Variants in MALRD1 observed in about 807,000 individuals in gnomAD.
MALRD1 encodes MAM and LDL receptor class A domain containing 1.
In MALRD1, 247 loss-of-function variants were observed where a neutral mutation model predicts 242.1. The ratio of observed to expected loss-of-function variants is 1.02; its 90% CI spans 0.92 to 1.13. MALRD1 has a LOEUF of 1.13. Among genes scored for constraint, MALRD1 ranks in the 50% most tolerant of loss-of-function variants. MALRD1 has a pLI of 0.00. For missense variants in MALRD1, 2,989 were observed against 2,533.1 expected (o/e 1.18, Z -3.86); for synonymous variants, 995 against 866.6 (o/e 1.15, Z -2.60).
intron 21 of MALRD1, chr10:19,291,481 T>C (rs932419331): frequency 6.6e-6 from 1 of 151,986 alleles, no homozygotes; most frequent in African/African-American, 2.4e-5. Context: ...AAATTGAGGT[T>C]GTAGTACACT....
At chr10:19,053,539 A>G (rs1330699952) in intron 1 of MALRD1, among the ~76,000 whole-genome samples, 4 of 152,164 alleles carry the variant, frequency 2.6e-5, no homozygotes, top group Admixed American at 2.6e-4. Context: ...AGGACCACTA[A>G]ATGATGAAAT....
chr10:19,639,847 T>A (rs1840305851), intron 36 of MALRD1, among the ~76,000 whole-genome samples: 1 of 152,166 alleles, frequency 6.6e-6, no homozygotes, highest in African/African-American at 2.4e-5. Flanking sequence ...AGAGTTACCA[T>A]TGCCCTAAAG....
intron 18 of MALRD1, among the ~76,000 whole-genome samples, chr10:19,226,448 T>A (rs975454193): frequency 6.6e-6 from 1 of 152,148 alleles, no homozygotes; most frequent in Non-Finnish European, 1.5e-5. Flanking sequence ...TCTCCCTAGT[T>A]CTTTAAAGTA....
intron 29 of MALRD1, among the ~76,000 whole-genome samples, chr10:19,465,072 A>G (rs1019874655): frequency 6.6e-6 from 1 of 151,946 alleles, no homozygotes; most frequent in Non-Finnish European, 1.5e-5. Context: ...TTGTAGCCGG[A>G]AACTTTGCTG....
At chr10:19,463,614 C>G (rs1316675392) in intron 29 of MALRD1, among the ~76,000 whole-genome samples, 1 of 150,722 alleles carries the variant, frequency 6.6e-6, no homozygotes, top group Non-Finnish European at 1.5e-5. Flanking sequence ...TTTATCTACT[C>G]ATTGACTGGT....
chr10:19,576,458 A>G lies in MALRD1; in HGVS notation c.5680+8755A>G, dbSNP rs542290457. ...TTATAATATTAACCAGCAACAATAA[A>G]CCCTCCATGTATACTTTCGTGTTGT... On this transcript the variant is annotated intron_variant, in intron 33 of 39. Coordinates refer to ENST00000454679, the MANE Select transcript of MALRD1 (RefSeq NM_001142308.3). 3.3e-5 allele frequency among the ~76,000 whole-genome samples: 5 copies of G among 152,302 alleles called. 1 individual carries two copies. The South Asian group carries it at 1.0e-3, about 32-fold the overall frequency.
chr10:19,571,595 C>G (rs981552800), intron 33 of MALRD1, among the ~76,000 whole-genome samples: 1 of 152,022 alleles, frequency 6.6e-6, no homozygotes, highest in Admixed American at 6.6e-5. Flanking sequence ...TTGCAGTTTT[C>G]CAATGAAATA....
intron 33 of MALRD1, among the ~76,000 whole-genome samples, chr10:19,583,774 G>T (rs1460392798): frequency 6.6e-6 from 1 of 151,268 alleles, no homozygotes; most frequent in Admixed American, 6.6e-5. Flanking sequence ...TTTTTCTATT[G>T]ATTGGAATAG....
intron 26 of MALRD1, among the ~76,000 whole-genome samples, chr10:19,368,869 G>A (rs1845228110): frequency 1.7e-5 from 1 of 58,730 alleles, no homozygotes; most frequent in Non-Finnish European, 3.2e-5. Flanking sequence ...GGTGATTTGT[G>A]TATGTGTGTG....
chr10:19,387,534 G>T lies in MALRD1; in HGVS notation c.4448G>T (p.Cys1483Phe), dbSNP rs1400513434. 7 of 1,549,546 alleles carry T rather than the reference G, an allele frequency of 4.5e-6. No homozygotes were observed. In the Admixed American group the frequency reaches 1.2e-4, roughly 26 times the overall value. The change falls in exon 27 of 40, where the codon TGC (cysteine) becomes TTC (phenylalanine). Residue 1483 changes from cysteine (C) to phenylalanine (F), a missense_variant. Cys to Phe is a radical substitution (Grantham distance 205). Coordinates refer to ENST00000454679, the MANE Select transcript of MALRD1 (RefSeq NM_001142308.3). ...ELAVPLPTGF[C>F]PLGYRECHNG... ...TTCTTTTGTTTTGTTTTAGGTTTCT[G>T]CCCACTTGGCTATAGGGAATGTCAT... is the stretch of plus-strand genomic sequence containing the variant.
chr10:19,346,661 T>A (rs556707533), intron 24 of MALRD1, among the ~76,000 whole-genome samples: 1 of 152,276 alleles, frequency 6.6e-6, no homozygotes, highest in East Asian at 1.9e-4. Context: ...TTTTTTGTTT[T>A]TTGTTTTTGA....
chr10:19,690,489 C>CGTGAT (rs1564544124), intron 36 of MALRD1, among the ~76,000 whole-genome samples: 1 of 151,938 alleles, frequency 6.6e-6, no homozygotes, highest in Non-Finnish European at 1.5e-5. Context: ...GGAGAATATC[C>CGTGAT]TGGGCCTCTA....
At chr10:19,524,615 A>T (rs955620670) in intron 31 of MALRD1, among the ~76,000 whole-genome samples, 2 of 152,194 alleles carry the variant, frequency 1.3e-5, no homozygotes, top group East Asian at 3.9e-4. Context: ...ATGCAGAGGC[A>T]GACTGAATAA....
At chr10:19,268,809 A>G (rs576504833) in intron 19 of MALRD1, among the ~76,000 whole-genome samples, 1 of 152,294 alleles carries the variant, frequency 6.6e-6, no homozygotes, top group South Asian at 2.1e-4. Flanking sequence ...AGAATATATT[A>G]ATGTAGCCTG....
rs12257313 is a variant in MALRD1, at chr10:19,147,215, C to T, written c.1558+871C>T. On this transcript the variant is annotated intron_variant, in intron 11 of 39. Coordinates refer to ENST00000454679, the MANE Select transcript of MALRD1 (RefSeq NM_001142308.3). ...TAGATCATCTTTCAACCTCATTGAACATTATCCTATTTGTTTCTTCTTTCA... is the reference window on the plus strand; with the variant it reads ...TAGATCATCTTTCAACCTCATTGAATATTATCCTATTTGTTTCTTCTTTCA... 8.3e-3 allele frequency among the ~76,000 whole-genome samples: 1,264 copies of T among 152,258 alleles called. 18 individuals carry two copies. Among genetic ancestry groups the T allele is most frequent in the African/African-American group, 0.029 (1,196 of 41,526 alleles).
chr10:19,276,984 A>T (rs1840560947), intron 19 of MALRD1, among the ~76,000 whole-genome samples: 1 of 152,004 alleles, frequency 6.6e-6, no homozygotes, highest in South Asian at 2.1e-4. Flanking sequence ...CAGTGGTGTG[A>T]TATCGGCTCA....
chr10:19,279,810 A>G (rs756480486), intron 19 of MALRD1, among the ~76,000 whole-genome samples: 1 of 152,198 alleles, frequency 6.6e-6, no homozygotes, highest in Non-Finnish European at 1.5e-5. Flanking sequence ...AGCTCTGAAT[A>G]GCTTTCCAGT....
chr10:19,308,635 G>A (rs1471450001), intron 21 of MALRD1, among the ~76,000 whole-genome samples: 1 of 151,450 alleles, frequency 6.6e-6, no homozygotes, highest in East Asian at 1.9e-4. Flanking sequence ...TCCCCAGGTA[G>A]AGTTTAGCAT....
chr10:19,640,160 G>T (rs1020119728), intron 36 of MALRD1, among the ~76,000 whole-genome samples: 7 of 152,108 alleles, frequency 4.6e-5, no homozygotes. Context: ...CCCTGTCTCG[G>T]CTCATTGCAA....
Sources: allele counts gnomAD v4.1 joint callset (sites outside exome capture counted in the v4.1 genomes callset), GRCh38; gene constraint gnomAD v4.1.1; transcripts MANE v1.5; gene names NCBI Gene and HGNC (gene_info 2026-07-23, HGNC 2026-07-21).